The following SPIDR variants were observed in gnomAD, a reference collection of about 807,000 sequenced individuals.
SPIDR encodes DNA repair-scaffolding protein.
SPIDR carries 93 observed loss-of-function variants against 104.6 expected under a neutral mutation model. The ratio of observed to expected loss-of-function variants is 0.89; its 90% confidence interval spans 0.75 to 1.06. The LOEUF (loss-of-function observed/expected upper bound fraction) is 1.06. Ranked by LOEUF, SPIDR falls within the 50% of genes least tolerant of loss-of-function variation. The probability of loss-of-function intolerance (pLI) is 0.00; values close to 1 mark genes in which losing one functional copy is unlikely to be tolerated. For missense variants in SPIDR, 1,154 were observed against 1,111.2 expected, an observed-to-expected ratio of 1.04 and a Z score of -0.55; for synonymous variants, 431 against 416.9, an observed-to-expected ratio of 1.03 and a Z score of -0.41.
rs145414305 is a variant in SPIDR, at chr8:47,598,220, A to T, written c.1294-726A>T. Among the ~76,000 whole-genome samples the T allele has an allele frequency of 1.1e-4, 16 of 152,360 alleles. No homozygotes were observed. The East Asian group carries it at 2.9e-3, about 28-fold the overall frequency. ...AAACTACTTGTAGCATAATGGTTAA[A>T]CGTGTGAACTTTGGAGCCAGATGAC... On this transcript the variant is annotated intron_variant, in intron 9 of 19. Transcript: ENST00000297423.
intron 5 of SPIDR, among the ~76,000 whole-genome samples, chr8:47,339,681 T>G (rs1320061407): frequency 7.2e-6 from 1 of 138,796 alleles, no homozygotes; most frequent in African/African-American, 3.0e-5. Context: ...TTTACAATCT[T>G]TTTTTTTTTT....
intron 8 of SPIDR, chr8:47,547,486 G>A (rs776212135): frequency 2.9e-5 from 6 of 205,880 alleles, no homozygotes; most frequent in Admixed American, 5.7e-5. Flanking sequence ...GAATGCAGTG[G>A]CATGATCTTG....
At chr8:47,698,522 TTTTA>T (rs2079671649) in intron 11 of SPIDR, among the ~76,000 whole-genome samples, 1 of 152,256 alleles carries the variant, frequency 6.6e-6, no homozygotes, top group Non-Finnish European at 1.5e-5. Flanking sequence ...AGACTAAGCA[TTTTA>T]TTTAACTCAT....
intron 8 of SPIDR, among the ~76,000 whole-genome samples, chr8:47,594,007 G>A (rs1429769359): frequency 2.0e-5 from 3 of 151,932 alleles, no homozygotes; most frequent in Admixed American, 6.6e-5. Context: ...GTGAAGTCCA[G>A]GCCCCCAGGT....
intron 8 of SPIDR, among the ~76,000 whole-genome samples, chr8:47,567,184 G>A (rs1461667601): frequency 1.3e-5 from 2 of 151,698 alleles, no homozygotes; most frequent in South Asian, 2.1e-4. Flanking sequence ...GCAGGAAATG[G>A]GGATTACACT....
intron 8 of SPIDR, among the ~76,000 whole-genome samples, chr8:47,501,983 A>T (rs751531275): frequency 6.6e-6 from 1 of 152,194 alleles, no homozygotes; most frequent in Admixed American, 6.5e-5. Context: ...CTTGCATCCC[A>T]GGGATGAAGC....
chr8:47,344,297 C>T (rs1441826871), intron 5 of SPIDR, among the ~76,000 whole-genome samples: 1 of 152,140 alleles, frequency 6.6e-6, no homozygotes, highest in East Asian at 1.9e-4. Context: ...AGGACATGAA[C>T]TCATCCTTTT....
chr8:47,304,598 C>T (rs2042810590), intron 5 of SPIDR, among the ~76,000 whole-genome samples: 1 of 152,146 alleles, frequency 6.6e-6, no homozygotes, highest in Non-Finnish European at 1.5e-5. Flanking sequence ...CTTCCTCCTC[C>T]CCCTGCTTTC....
intron 5 of SPIDR, among the ~76,000 whole-genome samples, chr8:47,327,085 A>G (rs1324988446): frequency 1.3e-5 from 2 of 152,106 alleles, no homozygotes; most frequent in East Asian, 3.8e-4. Context: ...GTTTCTCCAC[A>G]TCCCTTGCCA....
At chr8:47,682,435 T>G (rs2077224381) in intron 11 of SPIDR, among the ~76,000 whole-genome samples, 2 of 152,156 alleles carry the variant, frequency 1.3e-5, no homozygotes, top group African/African-American at 4.8e-5. Context: ...TATGGAAATA[T>G]TCTGCAATTT....
intron 5 of SPIDR, among the ~76,000 whole-genome samples, chr8:47,391,735 G>T (rs1445074675): frequency 2.0e-5 from 3 of 151,424 alleles, no homozygotes; most frequent in African/African-American, 7.3e-5. Flanking sequence ...GGTGGCTCAC[G>T]CCTGTAATCC....
chr8:47,641,251 C>A (rs2068933738), intron 10 of SPIDR, among the ~76,000 whole-genome samples: 1 of 152,116 alleles, frequency 6.6e-6, no homozygotes, highest in African/African-American at 2.4e-5. Flanking sequence ...CCTCCAACCC[C>A]TGTCCTCAAG....
intron 7 of SPIDR, among the ~76,000 whole-genome samples, chr8:47,417,966 T>C (rs1461812136): frequency 3.9e-5 from 6 of 152,168 alleles, no homozygotes; most frequent in Non-Finnish European, 7.3e-5. Flanking sequence ...GGGCTCTGTT[T>C]TGTTCCATTG....
intron 10 of SPIDR, among the ~76,000 whole-genome samples, chr8:47,658,193 C>A (rs1307198083): frequency 1.3e-5 from 2 of 151,132 alleles, no homozygotes; most frequent in African/African-American, 2.4e-5. Context: ...CCGAGGCGGG[C>A]GGATCACCTG....
chr8:47,579,488 G>A (rs951897458), intron 8 of SPIDR, among the ~76,000 whole-genome samples: 3 of 152,192 alleles, frequency 2.0e-5, no homozygotes, highest in Non-Finnish European at 2.9e-5. Context: ...CCCAGGAACT[G>A]CATTTTAAAA....
intron 11 of SPIDR, among the ~76,000 whole-genome samples, chr8:47,679,575 T>C (rs887386278): frequency 2.7e-5 from 4 of 150,168 alleles, no homozygotes; most frequent in Non-Finnish European, 5.9e-5. Flanking sequence ...CTGTGCCATG[T>C]GCCCGCCTGC....
intron 14 of SPIDR, among the ~76,000 whole-genome samples, chr8:47,709,049 T>G (rs373812030): frequency 6.6e-6 from 1 of 151,994 alleles, no homozygotes; most frequent in African/African-American, 2.4e-5. Context: ...CTTGGCTCAC[T>G]GCAACCTCTG....
intron 11 of SPIDR, among the ~76,000 whole-genome samples, chr8:47,676,976 A>G (rs541279298): frequency 3.1e-4 from 47 of 152,358 alleles, no homozygotes; most frequent in Non-Finnish European, 5.7e-4. Flanking sequence ...TTGAGTGTCT[A>G]TGTCGACTGG....
intron 14 of SPIDR, 75 bp downstream of exon 14, chr8:47,702,090 CTCTCTCTT>C (rs761111201): frequency 0.023 from 2,576 of 111,278 alleles, 327 homozygotes; most frequent in Admixed American, 0.074. Flanking sequence ...CTCTCTCTCT[CTCTCTCTT>C]ACACACACAC....
Sources: allele counts gnomAD v4.1 joint callset (sites outside exome capture counted in the v4.1 genomes callset), GRCh38; gene constraint gnomAD v4.1.1; transcripts MANE v1.5; gene names NCBI Gene and HGNC (gene_info 2026-07-23, HGNC 2026-07-21).